ZFPM2: variants seen among roughly 807,000 people sequenced by gnomAD.
ZFPM2 encodes the protein zinc finger protein, FOG family member 2, also known as zinc finger protein ZFPM2.
A neutral mutation model predicts 98.6 loss-of-function variants in ZFPM2; 20 were observed. That is an observed-to-expected ratio of 0.20 (90% CI 0.14 to 0.29). The LOEUF is 0.29. Ranked by LOEUF, ZFPM2 falls within the 10% of genes least tolerant of loss-of-function variation. The pLI, the probability that ZFPM2 is intolerant of heterozygous loss-of-function variation, is 1.00. For synonymous variants in ZFPM2, 518 were observed against 502.7 expected, an observed-to-expected ratio of 1.03 and a Z score of -0.41; for missense variants, 1,310 against 1,388.6, an observed-to-expected ratio of 0.94 and a Z score of 0.90.
At chr8:105,673,685 A>G (rs960016303) in intron 5 of ZFPM2, among the ~76,000 whole-genome samples, 10 of 152,210 alleles carry the variant, frequency 6.6e-5, no homozygotes, top group Admixed American at 4.6e-4. Context: ...GCTCATTACT[A>G]CATTTATACT....
intron 1 of ZFPM2, among the ~76,000 whole-genome samples, chr8:105,355,729 G>T (rs2129733027): frequency 6.6e-6 from 1 of 152,218 alleles, no homozygotes; most frequent in African/African-American, 2.4e-5. Flanking sequence ...TGTATATGTA[G>T]GGAATATGTC....
chr8:105,569,936 G>T (rs1020675151), intron 4 of ZFPM2, among the ~76,000 whole-genome samples: 3 of 152,138 alleles, frequency 2.0e-5, no homozygotes, highest in Non-Finnish European at 4.4e-5. Flanking sequence ...AACCGTAAGA[G>T]CAAGATTGTT....
At chr8:105,529,927 C>T (rs575093093) in intron 3 of ZFPM2, among the ~76,000 whole-genome samples, 11 of 152,110 alleles carry the variant, frequency 7.2e-5, no homozygotes, top group South Asian at 2.1e-4. Flanking sequence ...GACGGGGTTT[C>T]ACCATGTTGG....
chr8:105,698,498 A>C (rs926652094), intron 5 of ZFPM2, among the ~76,000 whole-genome samples: 6 of 152,226 alleles, frequency 3.9e-5, no homozygotes, highest in Non-Finnish European at 8.8e-5. Flanking sequence ...TTCTTAGCAA[A>C]GTCAGTGCTT....
intron 4 of ZFPM2, among the ~76,000 whole-genome samples, chr8:105,589,783 A>G (rs953568177): frequency 5.3e-5 from 8 of 152,066 alleles, no homozygotes; most frequent in African/African-American, 1.4e-4. Flanking sequence ...CAGTGGCTCA[A>G]TCTCAGCTCA....
chr8:105,388,626 A>G (rs1811047551), intron 1 of ZFPM2, among the ~76,000 whole-genome samples: 1 of 152,188 alleles, frequency 6.6e-6, no homozygotes, highest in Non-Finnish European at 1.5e-5. Flanking sequence ...TGGGACAAAC[A>G]TAATGGGATT....
At chr8:105,699,744 T>C (rs781253667) in intron 5 of ZFPM2, among the ~76,000 whole-genome samples, 6 of 152,040 alleles carry the variant, frequency 3.9e-5, no homozygotes, top group African/African-American at 9.7e-5. Context: ...TAATGCAAAC[T>C]CTCAAATAAT....
At chr8:105,353,289 G>C (rs1449772650) in intron 1 of ZFPM2, among the ~76,000 whole-genome samples, 2 of 152,188 alleles carry the variant, frequency 1.3e-5, no homozygotes, top group South Asian at 4.2e-4. Context: ...TCTGTGTTCT[G>C]TTCAGATGTC....
rs768045140 is a variant in ZFPM2 at position 105,803,532 on chromosome 8, C to A, written c.3450C>A (p.Val1150=). 6.2e-7 allele frequency: 1 copy of A among 1,605,606 alleles called. No individual in the cohort carries two copies. Among genetic ancestry groups the A allele is most frequent in the East Asian group, 2.2e-5 (1 of 44,674 alleles). ...FYCSSHAAEH[V]K ...GCTCATCACATGCAGCAGAACATGT[C>A]AAATGAACTAACTAAACATCAGTCA... The change falls in exon 8 of 8, where the codon GTC becomes GTA. Residue 1150 remains valine (V), a synonymous_variant. Transcript: ENST00000407775.
At position 105,619,327 on chromosome 8, in the gene ZFPM2, C is replaced by T. The variant is rs562617208; in HGVS notation, c.421-14919C>T. Among the ~76,000 whole-genome samples, 38 of 151,950 alleles carry T rather than the reference C, an allele frequency of 2.5e-4. No individual in the cohort carries two copies. The South Asian group carries it at 7.9e-3, about 32-fold the overall frequency. On this transcript the variant is annotated intron_variant, in intron 4 of 7. Coordinates refer to ENST00000407775, the MANE Select transcript of ZFPM2 (RefSeq NM_012082.4). ...ATTCATAAGCTTAAAATATAATGAG[C>T]TTGATTATTAATATTGACAATCTAC...
chr8:105,373,988 G>A (rs1810673868), intron 1 of ZFPM2, among the ~76,000 whole-genome samples: 1 of 152,168 alleles, frequency 6.6e-6, no homozygotes, highest in Admixed American at 6.5e-5. Context: ...ACTAGATATT[G>A]TGTACAAAAA....
chr8:105,602,532 A>T (rs1816114597), intron 4 of ZFPM2, among the ~76,000 whole-genome samples: 1 of 152,114 alleles, frequency 6.6e-6, no homozygotes. Context: ...GAATTTCAAG[A>T]TTTCAAAATT....
At chr8:105,326,905 T>C (rs1353884093) in intron 1 of ZFPM2, among the ~76,000 whole-genome samples, 2 of 150,926 alleles carry the variant, frequency 1.3e-5, no homozygotes, top group Non-Finnish European at 3.0e-5. Flanking sequence ...ATAAATTTAA[T>C]ATCCCACACA....
chr8:105,327,274 G>T (rs1433906045), intron 1 of ZFPM2, among the ~76,000 whole-genome samples: 2 of 151,338 alleles, frequency 1.3e-5, no homozygotes, highest in Non-Finnish European at 3.0e-5. Context: ...CACAAAATTT[G>T]CAAAATTTTA....
chr8:105,424,051 C>T (rs1462328430), intron 2 of ZFPM2, among the ~76,000 whole-genome samples: 2 of 152,032 alleles, frequency 1.3e-5, no homozygotes, highest in Non-Finnish European at 2.9e-5. Context: ...GAACAGTGTA[C>T]GCTGCTCAAG....
chr8:105,424,738 C>G (rs1811872548), intron 2 of ZFPM2, among the ~76,000 whole-genome samples: 1 of 152,174 alleles, frequency 6.6e-6, no homozygotes, highest in South Asian at 2.1e-4. Context: ...TTCACTAGGT[C>G]AAATTCAATA....
At chr8:105,635,290 A>G (rs542017648) in intron 5 of ZFPM2, among the ~76,000 whole-genome samples, 2 of 152,174 alleles carry the variant, frequency 1.3e-5, no homozygotes, top group Non-Finnish European at 2.9e-5. Flanking sequence ...CCATCAATAT[A>G]TTAACATATA....
chr8:105,658,595 A>G (rs1302329317), intron 5 of ZFPM2, among the ~76,000 whole-genome samples: 2 of 147,478 alleles, frequency 1.4e-5, no homozygotes, highest in African/African-American at 5.0e-5. Flanking sequence ...TCAAAAAAAA[A>G]AAAAAAAAAA....
At chr8:105,711,703 A>G (rs1429824748) in intron 5 of ZFPM2, among the ~76,000 whole-genome samples, 1 of 151,948 alleles carries the variant, frequency 6.6e-6, no homozygotes, top group Admixed American at 6.6e-5. Flanking sequence ...TTGTTTCTGA[A>G]TATCTCCTCC....
Sources: gnomAD v4.1 joint callset for allele counts (sites outside exome capture counted in the v4.1 genomes callset) on GRCh38, gnomAD v4.1.1 for gene constraint, MANE v1.5 for transcripts, NCBI Gene and HGNC (gene_info 2026-07-23, HGNC 2026-07-21) for gene names.